RBM4: variants seen among roughly 807,000 people sequenced by gnomAD.
RBM4 encodes the protein RNA-binding protein 4.
A neutral mutation model predicts 29.5 loss-of-function variants in RBM4; 7 were observed. That is an observed-to-expected ratio of 0.24 (90% confidence interval 0.14 to 0.45). The LOEUF (loss-of-function observed/expected upper bound fraction) is 0.45, where lower values mean the gene tolerates loss of function less well. Ranked by LOEUF, RBM4 falls within the 20% of genes least tolerant of loss-of-function variation. The probability of loss-of-function intolerance (pLI) is 1.00; values close to 1 mark genes in which losing one functional copy is unlikely to be tolerated. For synonymous variants in RBM4, 220 were observed against 205.4 expected (o/e 1.07, Z -0.61); for missense variants, 387 against 502.3 (o/e 0.77, Z 2.19).
Position 66,643,651 on chromosome 11 carries a change from A to G in RBM4, c.614A>G (p.Tyr205Cys), listed in dbSNP as rs373558491. ...GTGCGTACGCCTTACACCATGAGCT[A>G]TGGGGATTCATTGTATTACAACAAC... ...GAVRTPYTMS[Y>C]GDSLYYNNAY... Residue 205 changes from tyrosine (Y) to cysteine (C), a missense_variant, in exon 3 of 4, where the codon TAT becomes TGT. By Grantham distance (194) the Tyr-to-Cys change is radical. Around this residue, in one of 2 missense-constraint regions of RBM4, gnomAD observed 281 missense variants for 288.7 expected, o/e 0.97. Coordinates refer to ENST00000310092, the MANE Select transcript of RBM4 (RefSeq NM_002896.4). The surrounding 1 kb of genome is among the most constrained non-coding windows in gnomAD (Gnocchi z 6.1). The G allele has an allele frequency of 6.2e-6, 10 of 1,614,164 alleles. No individual in the cohort carries two copies. Among genetic ancestry groups the G allele is most frequent in the South Asian group, 3.3e-5 (3 of 91,080 alleles).
At chr11:66,644,168 TGG>T (rs1267682850) in intron 3 of RBM4, 28 bp downstream of exon 3, 1 of 1,580,736 alleles carries the variant, frequency 6.3e-7, no homozygotes, top group African/African-American at 1.3e-5. Context: ...TTCCCTCTTC[TGG>T]TTTTGCCATC....
intron 2 of RBM4, among the ~76,000 whole-genome samples, chr11:66,641,805 G>C (rs1938476305): frequency 2.0e-5 from 3 of 152,076 alleles, no homozygotes; most frequent in Admixed American, 6.5e-5. Flanking sequence ...TATTAGGGTG[G>C]TCTTTTTTCC....
chr11:66,640,455 G>T (rs1467894065), intron 2 of RBM4: 3 of 482,076 alleles, frequency 6.2e-6, no homozygotes, highest in African/African-American at 5.9e-5. Flanking sequence ...GCACAGTTCA[G>T]AGTTCCTCAC....
chr11:66,647,754 G>A (rs755198512), downstream of RBM4, among the ~76,000 whole-genome samples: 2 of 152,166 alleles, frequency 1.3e-5, no homozygotes, highest in African/African-American at 2.4e-5. Context: ...AAGTGTTGGC[G>A]ATACATACGG....
chr11:66,643,747 C>T lies in RBM4; in HGVS notation c.710C>T (p.Ala237Val), dbSNP rs766889609. ...AARSYEAVAA[A>V]AASVYNYAEQ... ...CGGTCCTATGAGGCAGTGGCAGCTG[C>T]AGCTGCCTCCGTGTATAATTACGCA... The change falls in exon 3 of 4, where the codon GCA (alanine) becomes GTA (valine). Residue 237 changes from alanine to valine, a missense_variant. By Grantham distance (64) the Ala-to-Val change is moderately conservative. Around this residue, in one of 2 missense-constraint regions of RBM4, gnomAD observed 281 missense variants for 288.7 expected, o/e 0.97. Transcript: ENST00000310092. The surrounding 1 kb of genome is among the most constrained non-coding windows in gnomAD (Gnocchi z 6.1). 4 of 1,614,050 alleles carry T rather than the reference C, an allele frequency of 2.5e-6. No homozygotes were observed. Among genetic ancestry groups the T allele is most frequent in the Non-Finnish European group, 3.4e-6 (4 of 1,180,006 alleles).
chr11:66,662,255 G>A (rs750689497), intron 2 of RBM4, among the ~76,000 whole-genome samples: 12 of 152,068 alleles, frequency 7.9e-5, no homozygotes, highest in Non-Finnish European at 1.3e-4. Context: ...CAGGTACTCA[G>A]TAACCACAGT....
At chr11:66,663,465 C>T (rs559596003) in intron 2 of RBM4, among the ~76,000 whole-genome samples, 2 of 152,060 alleles carry the variant, frequency 1.3e-5, no homozygotes, top group East Asian at 3.9e-4. Context: ...CCTTGGTTCA[C>T]GCCATTCTCC....
In RBM4 at chr11:66,660,902, G is replaced by A. The variant is rs187393128; in HGVS notation, c.413-4954G>A. Among the ~76,000 whole-genome samples, 192 of 151,130 alleles carry A rather than the reference G, an allele frequency of 1.3e-3. 1 individual carries two copies. The highest frequency in any genetic ancestry group is 1.5e-3 in the Non-Finnish European group (105 of 67,742). ...GATCTCCTGACCTCGTGATCCACCC[G>A]ACTCGGCCTCCCAAAGTGCTGGGAT... On this transcript the variant is annotated intron_variant, in intron 2 of 2. Transcript: ENST00000396053.
downstream of RBM4, among the ~76,000 whole-genome samples, chr11:66,648,591 G>A (rs555746444): frequency 7.9e-5 from 12 of 152,062 alleles, no homozygotes; most frequent in East Asian, 2.3e-3. Flanking sequence ...GAGGCAGGTG[G>A]AGCATCTGAG....
intron 2 of RBM4, among the ~76,000 whole-genome samples, chr11:66,660,649 CTTT>C (rs746698768): frequency 6.8e-5 from 9 of 132,602 alleles, no homozygotes; most frequent in African/African-American, 1.7e-4. Flanking sequence ...CCGACCTAAA[CTTT>C]TTTTTTTTTT....
At chr11:66,641,502 G>A (rs1196073405) in intron 2 of RBM4, among the ~76,000 whole-genome samples, 6 of 152,190 alleles carry the variant, frequency 3.9e-5, no homozygotes, top group Non-Finnish European at 2.9e-5. Flanking sequence ...GAGAGCAAAG[G>A]TTGCTCTTGT....
intron 2 of RBM4, among the ~76,000 whole-genome samples, chr11:66,653,555 T>C (rs1938878094): frequency 6.6e-6 from 1 of 152,026 alleles, no homozygotes; most frequent in Non-Finnish European, 1.5e-5. Context: ...AGAGACAGGG[T>C]TTCACCATAT....
At chr11:66,658,337 CTTT>C (rs35133059) in intron 2 of RBM4, among the ~76,000 whole-genome samples, 1 of 50,456 alleles carries the variant, frequency 2.0e-5, no homozygotes, top group Non-Finnish European at 3.4e-5. Context: ...CTAGTCTGAC[CTTT>C]TTTTTTTTTT....
chr11:66,660,896 C>T (rs1415295284), intron 2 of RBM4, among the ~76,000 whole-genome samples: 1 of 151,546 alleles, frequency 6.6e-6, no homozygotes, highest in East Asian at 2.0e-4. Context: ...ACCTCGTGAT[C>T]CACCCGACTC....
chr11:66,654,899 AC>A (rs1938913403), intron 2 of RBM4, among the ~76,000 whole-genome samples: 1 of 151,614 alleles, frequency 6.6e-6, no homozygotes. Flanking sequence ...ATTTCGGCTC[AC>A]TACAACGTCC....
At chr11:66,639,544 G>T in intron 1 of RBM4, 156 bp from the exon 2 acceptor site, 3 of 965,400 alleles carry the variant, frequency 3.1e-6, no homozygotes, top group Non-Finnish European at 4.5e-6. Context: ...GCAGGCCTTA[G>T]TTCACTCCCA....
At chr11:66,666,291 TACAG>T in exon 3 of RBM4, 2 of 1,085,684 alleles carry the variant, frequency 1.8e-6, no homozygotes, top group Non-Finnish European at 2.2e-6. Context: ...CTCTACTTAT[TACAG>T]ACAAAGGGCC....
At position 66,643,806 on chromosome 11, in the gene RBM4, A is replaced by T; in HGVS notation, c.769A>T (p.Asn257Tyr). The change falls in exon 3 of 4, where the codon AAT (asparagine) becomes TAT (tyrosine). Residue 257 changes from asparagine (N) to tyrosine (Y), a missense_variant. By Grantham distance (143) the Asn-to-Tyr change is moderately radical. Around this residue, in one of 2 missense-constraint regions of RBM4, gnomAD observed 281 missense variants for 288.7 expected, o/e 0.97. Coordinates refer to ENST00000310092, the MANE Select transcript of RBM4 (RefSeq NM_002896.4). This position sits in a 1 kb window ranked among gnomAD's most constrained non-coding sequence, Gnocchi z 6.1. ...CCTGTCCCAGCTGCCACAAGTCCAG[A>T]ATACAGCCATGGCCAGTCACCTCAC... ...QTLSQLPQVQ[N>Y]TAMASHLTST... 6.2e-7 allele frequency: 1 copy of T among 1,613,950 alleles called. No homozygotes were observed. Among genetic ancestry groups the T allele is most frequent in the Non-Finnish European group, 8.5e-7 (1 of 1,179,974 alleles).
At chr11:66,647,551 G>C (rs1211643979), downstream of RBM4, among the ~76,000 whole-genome samples, 1 of 152,074 alleles carries the variant, frequency 6.6e-6, no homozygotes, top group Non-Finnish European at 1.5e-5. Context: ...ATTTCTCTTG[G>C]AGGGTCGTAC....
Sources: allele counts gnomAD v4.1 joint callset (sites outside exome capture counted in the v4.1 genomes callset), GRCh38; gene constraint gnomAD v4.1.1; regional missense constraint gnomAD v4.1.1; non-coding constraint Gnocchi (gnomAD v3.1); transcripts MANE v1.5; gene names NCBI Gene and HGNC (gene_info 2026-07-23, HGNC 2026-07-21).